Variants in ADD3 observed in about 807,000 individuals in gnomAD.
ADD3 encodes adducin 3, also known as gamma-adducin.
In ADD3, 25 loss-of-function variants were observed where a neutral mutation model predicts 80.2. The observed-to-expected ratio is 0.31, with a 90% CI of 0.23 to 0.44. ADD3 has a LOEUF of 0.44. Ranked by LOEUF, ADD3 falls within the 20% of genes least tolerant of loss-of-function variation. ADD3 has a pLI of 1.00. For synonymous variants in ADD3, 284 were observed against 289.6 expected (o/e 0.98, Z 0.20); for missense variants, 829 against 847.5 (o/e 0.98, Z 0.27).
chr10:110,016,288 G>A (rs750235573), intron 1 of ADD3: 1 of 152,148 alleles, frequency 6.6e-6, no homozygotes, highest in Non-Finnish European at 1.5e-5. Flanking sequence ...AGCTTCATTT[G>A]GAGGATTTGA....
At chr10:110,071,268 A>AT (rs976531300) in intron 1 of ADD3, among the ~76,000 whole-genome samples, 1 of 152,200 alleles carries the variant, frequency 6.6e-6, no homozygotes, top group Non-Finnish European at 1.5e-5. Context: ...CAAAAGTAAC[A>AT]TTTTTAACAA....
chr10:110,090,672 T>G (rs1847388541), intron 1 of ADD3, among the ~76,000 whole-genome samples: 1 of 152,236 alleles, frequency 6.6e-6, no homozygotes, highest in Non-Finnish European at 1.5e-5. Context: ...ATATTTTTAT[T>G]TGTAAAACAA....
At chr10:109,997,991 T>C (rs1169993587) in intron 1 of ADD3, among the ~76,000 whole-genome samples, 1 of 152,228 alleles carries the variant, frequency 6.6e-6, no homozygotes, top group Non-Finnish European at 1.5e-5. Context: ...ATTGGGTATA[T>C]ACTCTGTGAC....
chr10:110,125,925 G>T lies in ADD3; in HGVS notation c.1501G>T (p.Val501Leu), dbSNP rs1411143464. 1 of 1,606,206 alleles carries T rather than the reference G, an allele frequency of 6.2e-7. No homozygotes were observed. The highest frequency in any genetic ancestry group is 2.2e-5 in the East Asian group (1 of 44,706). ...TCCTTTAAACACAAACCCGAATGAG[G>T]TACTAGAAAAGAGAAATAAGGTAAG... ...FVPLNTNPNEVLEKRNKIREQ... is the reference protein window; with the variant it reads ...FVPLNTNPNELLEKRNKIREQ... Residue 501 changes from valine to leucine, a missense_variant, in exon 11 of 15, where the codon GTA becomes TTA. By Grantham distance (32) the Val-to-Leu change is conservative (BLOSUM62 1). Coordinates refer to ENST00000356080, the MANE Select transcript of ADD3 (RefSeq NM_016824.5).
At chr10:110,086,334 C>T (rs1846744004) in intron 1 of ADD3, among the ~76,000 whole-genome samples, 1 of 148,468 alleles carries the variant, frequency 6.7e-6, no homozygotes, top group African/African-American at 2.5e-5. Flanking sequence ...CACTTGAACC[C>T]AGAAGGTAGA....
Position 110,117,381 on chromosome 10 carries a change from C to T in ADD3, c.526C>T (p.Pro176Ser). The change falls in exon 5 of 15, where the codon CCC (proline) becomes TCC (serine). Residue 176 changes from proline (P) to serine (S), a missense_variant. Pro to Ser is a moderately conservative substitution (Grantham distance 74). Transcript: ENST00000356080. ...SKEQDHIIII[P>S]RGLSFSEATA... ...GGAGCAAGACCACATTATAATAATT[C>T]CCAGAGGCCTATCTTTTTCTGAAGC... 1 of 1,606,254 alleles carries T rather than the reference C, an allele frequency of 6.2e-7. No individual in the cohort carries two copies. The highest frequency in any genetic ancestry group is 8.5e-7 in the Non-Finnish European group (1 of 1,173,484).
chr10:110,121,090 G>A (rs1409259731), intron 8 of ADD3, among the ~76,000 whole-genome samples: 1 of 151,962 alleles, frequency 6.6e-6, no homozygotes. Flanking sequence ...ATAGGCATGG[G>A]CAAGGACTTC....
intron 1 of ADD3, among the ~76,000 whole-genome samples, chr10:110,013,354 C>T (rs554711030): frequency 3.9e-5 from 6 of 152,290 alleles, no homozygotes; most frequent in Admixed American, 2.6e-4. Context: ...CCTCCCCGCT[C>T]GGCTACCCAA....
chr10:110,030,314 A>G (rs1413242103), intron 1 of ADD3, among the ~76,000 whole-genome samples: 3 of 145,192 alleles, frequency 2.1e-5, no homozygotes, highest in African/African-American at 8.0e-5. Context: ...TAAGAGCGAA[A>G]CTCCATCTTA....
chr10:110,117,644 A>G lies in ADD3; in HGVS notation c.567+222A>G, dbSNP rs567839321. On this transcript the variant is annotated intron_variant, in intron 5 of 14. Transcript: ENST00000356080. ...GTTGGTCTTATCAGTTAACTTGTCT[A>G]TGTTTTGAAGGGAATCGTGATTTTT... Among the ~76,000 whole-genome samples the G allele has an allele frequency of 7.3e-5, 11 of 150,192 alleles. 1 individual carries two copies. In the South Asian group the frequency reaches 1.5e-3, roughly 20 times the overall value.
intron 1 of ADD3, among the ~76,000 whole-genome samples, chr10:110,061,381 G>C (rs1048513635): frequency 5.3e-5 from 8 of 152,192 alleles, no homozygotes; most frequent in African/African-American, 1.9e-4. Context: ...GGTGGTTTCT[G>C]TGTATGTCCC....
intron 1 of ADD3, among the ~76,000 whole-genome samples, chr10:110,020,888 G>C (rs558308894): frequency 5.9e-5 from 9 of 152,192 alleles, no homozygotes; most frequent in Non-Finnish European, 1.2e-4. Context: ...GTCTAAGAAG[G>C]AGCAGTTTGG....
chr10:110,113,023 C>A, intron 3 of ADD3, 108 bp downstream of exon 3: 1 of 1,174,880 alleles, frequency 8.5e-7, no homozygotes, highest in Non-Finnish European at 1.2e-6. Context: ...AAGTTTATAA[C>A]ATCTAATACT....
chr10:110,116,623 A>G (rs965918329), intron 4 of ADD3, among the ~76,000 whole-genome samples: 1 of 152,140 alleles, frequency 6.6e-6, no homozygotes, highest in African/African-American at 2.4e-5. Context: ...TGTTGTTCCA[A>G]GTTCCTTTGG....
At chr10:110,055,901 C>T (rs919077713) in intron 1 of ADD3, among the ~76,000 whole-genome samples, 3 of 152,172 alleles carry the variant, frequency 2.0e-5, no homozygotes, top group Non-Finnish European at 1.5e-5. Context: ...TGACATAAAG[C>T]TCATTATACA....
intron 1 of ADD3, among the ~76,000 whole-genome samples, chr10:110,028,253 G>T (rs891583023): frequency 1.3e-5 from 2 of 152,146 alleles, no homozygotes; most frequent in African/African-American, 4.8e-5. Flanking sequence ...GAGGAGAAAA[G>T]CCTAAAATGA....
At chr10:110,030,628 A>T (rs1028058190) in intron 1 of ADD3, among the ~76,000 whole-genome samples, 7 of 151,516 alleles carry the variant, frequency 4.6e-5, no homozygotes, top group African/African-American at 9.7e-5. Context: ...CACTGACATT[A>T]TGGTAACCAC....
At chr10:110,075,914 G>A (rs186911554) in intron 1 of ADD3, among the ~76,000 whole-genome samples, 1 of 152,182 alleles carries the variant, frequency 6.6e-6, no homozygotes, top group Admixed American at 6.5e-5. Context: ...CCCTCACTAG[G>A]GTCCTGAGAG....
At chr10:110,126,733 TGAG>T (rs1253474650) in intron 12 of ADD3, among the ~76,000 whole-genome samples, 2 of 152,226 alleles carry the variant, frequency 1.3e-5, no homozygotes, top group Non-Finnish European at 2.9e-5. Flanking sequence ...TTAGTTGAGA[TGAG>T]GTCTCACTCT....
Sources: gnomAD v4.1 joint callset for allele counts (sites outside exome capture counted in the v4.1 genomes callset) on GRCh38, gnomAD v4.1.1 for gene constraint, MANE v1.5 for transcripts, NCBI Gene and HGNC (gene_info 2026-07-23, HGNC 2026-07-21) for gene names.